PCDH11X: variants seen among roughly 807,000 people sequenced by gnomAD.
PCDH11X encodes protocadherin 11 X-linked.
In PCDH11X, 18 loss-of-function variants were observed where a neutral mutation model predicts 53.3. That is an observed-to-expected ratio of 0.34 (90% CI 0.23 to 0.50). The LOEUF is 0.50. Among genes scored for constraint, PCDH11X ranks in the 20% least tolerant of loss-of-function variants. The pLI is 0.98. For missense variants in PCDH11X, 570 were observed against 1,032.4 expected (o/e 0.55, Z 6.14); for synonymous variants, 279 against 393.3 (o/e 0.71, Z 3.44).
intron 7 of PCDH11X, among the ~76,000 whole-genome samples, chrX:92,259,347 C>A (rs1208209290): frequency 1.8e-5 from 2 of 111,421 alleles, no homozygotes; most frequent in African/African-American, 6.5e-5. Context: ...GTTATGAAAG[C>A]TGTATAGGAA....
Position 92,191,962 on chromosome X carries a change from T to A in PCDH11X, c.3034-9413T>A, listed in dbSNP as rs189048638. 5.4e-5 allele frequency among the ~76,000 whole-genome samples: 6 copies of A among 112,065 alleles called. No homozygotes were observed. In the Admixed American group the frequency reaches 5.7e-4, roughly 11 times the overall value. On this transcript the variant is annotated intron_variant, in intron 6 of 10. Coordinates refer to ENST00000682573, the MANE Select transcript of PCDH11X (RefSeq NM_032968.5). ...AATCTAGTGAGAGTTTGTTTCTACC[T>A]AGAATCTTGATCTAAGTGAATACAT...
intron 6 of PCDH11X, among the ~76,000 whole-genome samples, chrX:92,089,434 G>A (rs1159929295): frequency 4.5e-5 from 5 of 111,889 alleles, no homozygotes; most frequent in African/African-American, 1.6e-4. Context: ...TAGCTTTATG[G>A]GAGAGGAATA....
intron 6 of PCDH11X, among the ~76,000 whole-genome samples, chrX:91,908,729 C>T (rs1335559046): frequency 1.0e-4 from 11 of 108,057 alleles, no homozygotes; most frequent in Non-Finnish European, 2.1e-4. Context: ...TGCTTGAACC[C>T]GGGAGGCAGA....
chrX:91,913,332 G>A lies in PCDH11X; in HGVS notation c.3033+34059G>A, dbSNP rs183783900. Among the ~76,000 whole-genome samples the A allele has an allele frequency of 1.5e-4, 17 of 111,831 alleles. No homozygotes were observed. The East Asian group carries it at 4.9e-3, about 32-fold the overall frequency. On this transcript the variant is annotated intron_variant, in intron 6 of 10. Transcript: ENST00000682573. ...AAGCCATGCTTGCTTTCCCAGTGGA[G>A]TAGCTCATGGCTTGTGGCAAGGTCA... is the stretch of plus-strand genomic sequence containing the variant.
intron 10 of PCDH11X, among the ~76,000 whole-genome samples, chrX:92,490,640 A>G (rs1268584367): frequency 9.1e-6 from 1 of 109,818 alleles, no homozygotes; most frequent in Non-Finnish European, 1.9e-5. Flanking sequence ...AATGGCATGA[A>G]CAGTGACACT....
chrX:92,547,879 C>T (rs73247373), intron 10 of PCDH11X, among the ~76,000 whole-genome samples: 21,816 of 108,697 alleles, frequency 0.2, 2,203 homozygotes, highest in Non-Finnish European at 0.3. Flanking sequence ...TACTGGTGGG[C>T]GCCATCATGG....
intron 9 of PCDH11X, among the ~76,000 whole-genome samples, chrX:92,433,341 A>G (rs1173345146): frequency 9.1e-6 from 1 of 109,984 alleles, no homozygotes; most frequent in Non-Finnish European, 1.9e-5. Flanking sequence ...AGTGATAGTA[A>G]TATTAAACAG....
intron 10 of PCDH11X, among the ~76,000 whole-genome samples, chrX:92,520,225 G>C (rs924118720): frequency 2.4e-5 from 2 of 83,459 alleles, no homozygotes; most frequent in Non-Finnish European, 5.1e-5. Context: ...AAATCTCTCA[G>C]ATTTTTTTTT....
At position 91,835,436 on chromosome X, in the gene PCDH11X, C is replaced by T. The variant is rs182052951; in HGVS notation, c.-44-25C>T. On this transcript the variant is annotated intron_variant, in intron 4 of 10. Transcript: ENST00000682573. The stretch of plus-strand genomic sequence containing the variant: ...TTCTTAATAATTTCTTCTTCCTCTT[C>T]TCTCTCTCCTCTTCTTTTGGTCAGT... 5,364 of 1,207,288 alleles carry T rather than the reference C, an allele frequency of 4.4e-3. 119 individuals are homozygous for T. In the African/African-American group the frequency reaches 0.069, roughly 16 times the overall value.
chrX:92,238,503 A>G (rs1193249516), intron 7 of PCDH11X, among the ~76,000 whole-genome samples: 1 of 110,943 alleles, frequency 9.0e-6, no homozygotes, highest in Non-Finnish European at 1.9e-5. Flanking sequence ...TTTAAGGAAA[A>G]AAACAACTAC....
chrX:91,856,865 C>T (rs1486767933), intron 5 of PCDH11X, among the ~76,000 whole-genome samples: 2 of 111,488 alleles, frequency 1.8e-5, no homozygotes, highest in Admixed American at 9.6e-5. Context: ...TTGGCATTTG[C>T]GTTGATTCCA....
At chrX:92,244,277 T>A (rs1317590984) in intron 7 of PCDH11X, among the ~76,000 whole-genome samples, 1 of 108,501 alleles carries the variant, frequency 9.2e-6, no homozygotes, top group Non-Finnish European at 1.9e-5. Flanking sequence ...AATGTTTTAT[T>A]TTTTAAAACA....
chrX:92,206,852 T>C (rs1353943480), intron 7 of PCDH11X, among the ~76,000 whole-genome samples: 1 of 111,313 alleles, frequency 9.0e-6, no homozygotes, highest in African/African-American at 3.3e-5. Flanking sequence ...TTTGTTTTAA[T>C]TGGCAAATGC....
At chrX:91,982,334 T>C (rs2062152362) in intron 6 of PCDH11X, among the ~76,000 whole-genome samples, 1 of 108,257 alleles carries the variant, frequency 9.2e-6, no homozygotes, top group African/African-American at 3.4e-5. Context: ...TTCATTCATT[T>C]ACTCAATATG....
At chrX:91,787,691 T>A (rs1435683942) in intron 1 of PCDH11X, among the ~76,000 whole-genome samples, 1 of 110,709 alleles carries the variant, frequency 9.0e-6, no homozygotes, top group Non-Finnish European at 1.9e-5. Flanking sequence ...ATTATCAATT[T>A]GACTGTATTG....
intron 9 of PCDH11X, among the ~76,000 whole-genome samples, chrX:92,389,367 G>A (rs2071077383): frequency 9.0e-6 from 1 of 111,602 alleles, no homozygotes; most frequent in South Asian, 3.7e-4. Flanking sequence ...TTAAGCAAGG[G>A]TGCCACTGAT....
intron 7 of PCDH11X, among the ~76,000 whole-genome samples, chrX:92,225,693 GA>G (rs778262378): frequency 9.0e-6 from 1 of 111,219 alleles, no homozygotes; most frequent in South Asian, 3.8e-4. Context: ...GCAAAATTAA[GA>G]AAATAAATAA....
chrX:92,180,930 A>G (rs1408068502), intron 6 of PCDH11X, among the ~76,000 whole-genome samples: 2 of 109,439 alleles, frequency 1.8e-5, no homozygotes, highest in Non-Finnish European at 1.9e-5. Flanking sequence ...ATGGGCTAAT[A>G]CAGTAAATTG....
At chrX:92,431,815 T>G (rs1203927837) in intron 9 of PCDH11X, among the ~76,000 whole-genome samples, 1 of 109,372 alleles carries the variant, frequency 9.1e-6, no homozygotes, top group Non-Finnish European at 1.9e-5. Context: ...ATCTTTTTTT[T>G]ACTCCTCTGA....
Sources: gnomAD v4.1 joint callset for allele counts (sites outside exome capture counted in the v4.1 genomes callset) on GRCh38, gnomAD v4.1.1 for gene constraint, MANE v1.5 for transcripts, NCBI Gene and HGNC (gene_info 2026-07-23, HGNC 2026-07-21) for gene names.